Variants in FRMD4A observed in about 807,000 individuals in gnomAD.
FRMD4A encodes the protein FERM domain containing 4A.
In FRMD4A, 29 loss-of-function variants were observed where a neutral mutation model predicts 129.1. That is an observed-to-expected ratio of 0.22 (90% confidence interval 0.17 to 0.31). FRMD4A has a LOEUF of 0.31. FRMD4A is among the 10% of genes least tolerant of loss of function. The pLI, the probability that FRMD4A is intolerant of heterozygous loss-of-function variation, is 1.00. For missense variants in FRMD4A, 1,272 were observed against 1,375.8 expected (o/e 0.92, Z 1.19); for synonymous variants, 634 against 571.6 (o/e 1.11, Z -1.56).
chr10:13,769,627 A>G (rs984453960), intron 6 of FRMD4A, among the ~76,000 whole-genome samples: 1 of 152,072 alleles, frequency 6.6e-6, no homozygotes, highest in African/African-American at 2.4e-5. Flanking sequence ...GCCCAGATTA[A>G]ACAGTTTCTG....
chr10:14,166,969 A>C (rs1056906922), intron 2 of FRMD4A, among the ~76,000 whole-genome samples: 9 of 152,322 alleles, frequency 5.9e-5, no homozygotes, highest in African/African-American at 2.2e-4. Flanking sequence ...TAAAAGGATG[A>C]ACAACATACA....
chr10:13,901,934 TAATA>T (rs903832193), intron 2 of FRMD4A, among the ~76,000 whole-genome samples: 2 of 152,194 alleles, frequency 1.3e-5, no homozygotes, highest in African/African-American at 4.8e-5. Flanking sequence ...AATAATCTGT[TAATA>T]AATAATAATA....
chr10:14,027,365 G>C (rs910257358), intron 2 of FRMD4A, among the ~76,000 whole-genome samples: 10 of 152,222 alleles, frequency 6.6e-5, no homozygotes, highest in African/African-American at 2.4e-4. Flanking sequence ...ATGCGGCCGG[G>C]CATGGTGGCT....
chr10:14,191,685 A>G (rs1842321114), intron 2 of FRMD4A, among the ~76,000 whole-genome samples: 1 of 152,210 alleles, frequency 6.6e-6, no homozygotes, highest in Admixed American at 6.5e-5. Flanking sequence ...GTTGAAATCT[A>G]TCTCATATTT....
At chr10:13,865,485 C>T (rs11596443) in intron 2 of FRMD4A, among the ~76,000 whole-genome samples, 34,608 of 135,098 alleles carry the variant, frequency 0.26, 4,400 homozygotes, top group Non-Finnish European at 0.32. Flanking sequence ...GGGTTTTGCT[C>T]TGTCTCCTAG....
At chr10:13,770,316 G>A (rs930158780) in intron 6 of FRMD4A, among the ~76,000 whole-genome samples, 1 of 152,202 alleles carries the variant, frequency 6.6e-6, no homozygotes, top group African/African-American at 2.4e-5. Flanking sequence ...TGCCACTCAT[G>A]CTCAGCCGCA....
At chr10:13,688,938 G>C (rs963607931) in intron 15 of FRMD4A, among the ~76,000 whole-genome samples, 1 of 151,882 alleles carries the variant, frequency 6.6e-6, no homozygotes, top group Non-Finnish European at 1.5e-5. Context: ...GGCTAGTCTC[G>C]AACTCCTGCC....
In FRMD4A at chr10:13,887,772, C is replaced by T. The variant is rs113946398; in HGVS notation, c.46-28860G>A. 5.5e-3 allele frequency among the ~76,000 whole-genome samples: 836 copies of T among 152,296 alleles called. 6 individuals are homozygous for T. The highest frequency in any genetic ancestry group is 0.019 in the African/African-American group (794 of 41,568). On this transcript the variant is annotated intron_variant, in intron 2 of 24. Coordinates refer to ENST00000357447, the MANE Select transcript of FRMD4A (RefSeq NM_018027.5). ...TACTAAACAGTAGCACCAGCTCTGA[C>T]CATCTTCTGTAAACGTAAGAGAGGA... is the stretch of plus-strand genomic sequence containing the variant.
At chr10:13,816,872 G>T (rs1169164019) in intron 3 of FRMD4A, among the ~76,000 whole-genome samples, 1 of 152,244 alleles carries the variant, frequency 6.6e-6, no homozygotes, top group Non-Finnish European at 1.5e-5. Flanking sequence ...GAGCAAGGCA[G>T]CCTGTGCTCC....
At chr10:13,714,001 T>C (rs1391132615) in intron 12 of FRMD4A, among the ~76,000 whole-genome samples, 2 of 66,928 alleles carry the variant, frequency 3.0e-5, no homozygotes, top group East Asian at 3.4e-4. Flanking sequence ...ATAATATACA[T>C]ATATAATATA....
chr10:13,849,600 C>T (rs1328766089), intron 3 of FRMD4A, among the ~76,000 whole-genome samples: 2 of 151,572 alleles, frequency 1.3e-5, no homozygotes, highest in African/African-American at 2.4e-5. Context: ...CCTGCCTCAG[C>T]CTCCCGAGTA....
intron 2 of FRMD4A, among the ~76,000 whole-genome samples, chr10:14,111,885 C>A (rs1160624298): frequency 2.0e-5 from 3 of 149,194 alleles, no homozygotes; most frequent in Non-Finnish European, 4.4e-5. Flanking sequence ...TAGGATTCAC[C>A]CACAGCTCCT....
intron 2 of FRMD4A, among the ~76,000 whole-genome samples, chr10:13,985,922 T>C (rs2095579457): frequency 6.6e-6 from 1 of 152,174 alleles, no homozygotes; most frequent in African/African-American, 2.4e-5. Flanking sequence ...GAAGGTGCAA[T>C]CTGGCAGGAC....
intron 2 of FRMD4A, among the ~76,000 whole-genome samples, chr10:13,917,643 G>A (rs1038119939): frequency 1.3e-4 from 20 of 152,056 alleles, no homozygotes; most frequent in Admixed American, 8.5e-4. Context: ...TCTCTAGGGG[G>A]TAAACAAACA....
At chr10:13,974,257 T>C (rs1409452982) in intron 2 of FRMD4A, among the ~76,000 whole-genome samples, 1 of 152,194 alleles carries the variant, frequency 6.6e-6, no homozygotes, top group East Asian at 1.9e-4. Flanking sequence ...ATAAGCTCTT[T>C]TGAAAAATGA....
chr10:13,769,884 C>T (rs1255447534), intron 6 of FRMD4A, among the ~76,000 whole-genome samples: 1 of 152,148 alleles, frequency 6.6e-6, no homozygotes, highest in Non-Finnish European at 1.5e-5. Context: ...CCACTGGCTC[C>T]CTGGTTCTCA....
At chr10:14,307,370 GA>G (rs911008040) in intron 2 of FRMD4A, among the ~76,000 whole-genome samples, 1 of 152,182 alleles carries the variant, frequency 6.6e-6, no homozygotes, top group African/African-American at 2.4e-5. Context: ...GCCATCAAAA[GA>G]AAAAGAGGAT....
chr10:14,010,183 C>A (rs570746423), intron 2 of FRMD4A, among the ~76,000 whole-genome samples: 1 of 152,144 alleles, frequency 6.6e-6, no homozygotes, highest in Admixed American at 6.5e-5. Context: ...CAGGCCAGGG[C>A]AAAGCCCCGG....
intron 2 of FRMD4A, among the ~76,000 whole-genome samples, chr10:13,882,032 T>C (rs2094553054): frequency 3.9e-5 from 1 of 25,510 alleles, no homozygotes; most frequent in Admixed American, 3.4e-4. Flanking sequence ...TGTGTGTGTG[T>C]GTGTGTGATG....
Sources: gnomAD v4.1 joint callset for allele counts (sites outside exome capture counted in the v4.1 genomes callset) on GRCh38, gnomAD v4.1.1 for gene constraint, MANE v1.5 for transcripts, NCBI Gene and HGNC (gene_info 2026-07-23, HGNC 2026-07-21) for gene names.